KAZN: variants seen among roughly 807,000 people sequenced by gnomAD.
KAZN encodes kazrin, periplakin interacting protein.
KAZN carries 40 observed loss-of-function variants against 87.4 expected under a neutral mutation model. The ratio of observed to expected loss-of-function variants is 0.46; its 90% CI spans 0.36 to 0.60. KAZN has a LOEUF of 0.60. KAZN is among the 20% of genes least tolerant of loss of function. The pLI, the probability that KAZN is intolerant of heterozygous loss-of-function variation, is 0.00. For synonymous variants in KAZN, 466 were observed against 458.3 expected (o/e 1.02, Z -0.22); for missense variants, 898 against 1,073.9 (o/e 0.84, Z 2.29).
Position 14,528,519 on chromosome 1 carries a change from C to T in KAZN, c.250-70464C>T, listed in dbSNP as rs114027431. 1.6e-3 allele frequency among the ~76,000 whole-genome samples: 240 copies of T among 151,968 alleles called. 4 individuals are homozygous for T. Among genetic ancestry groups the T allele is most frequent in the Admixed American group, 6.8e-3 (103 of 15,256 alleles). ...ACAGCCCCCGACCAGTACAGTGGCT[C>T]ACGCCTGTAACCCCAGCACTTTGGG... On this transcript the variant is annotated intron_variant, in intron 2 of 16. Coordinates refer to the KAZN transcript ENST00000636203.
intron 2 of KAZN, among the ~76,000 whole-genome samples, chr1:14,584,047 G>A (rs111992560): frequency 4.6e-5 from 7 of 152,290 alleles, no homozygotes; most frequent in South Asian, 2.1e-4. Context: ...GATGTGTTGC[G>A]TGTGGACATG....
chr1:14,139,267 C>G (rs1645180293), intron 1 of KAZN, among the ~76,000 whole-genome samples: 1 of 152,200 alleles, frequency 6.6e-6, no homozygotes, highest in Non-Finnish European at 1.5e-5. Context: ...AGAAGGTAAG[C>G]TGATGTGGTA....
chr1:14,726,577 A>G (rs1412260084), intron 1 of KAZN, among the ~76,000 whole-genome samples: 2 of 152,198 alleles, frequency 1.3e-5, no homozygotes, highest in Admixed American at 1.3e-4. Flanking sequence ...AAGACCTTTC[A>G]AAGCTGCAAG....
At chr1:14,546,343 T>G (rs1452735484) in intron 2 of KAZN, among the ~76,000 whole-genome samples, 2 of 152,144 alleles carry the variant, frequency 1.3e-5, no homozygotes, top group African/African-American at 4.8e-5. Flanking sequence ...ATTTCTCTCT[T>G]TTTCTTCCAA....
At chr1:14,778,102 C>T (rs923739569) in intron 1 of KAZN, among the ~76,000 whole-genome samples, 2 of 152,138 alleles carry the variant, frequency 1.3e-5, no homozygotes, top group African/African-American at 4.8e-5. Context: ...GTGCCTTAAC[C>T]TCCTGGGAAT....
At chr1:14,329,212 A>G (rs896390051) in intron 2 of KAZN, among the ~76,000 whole-genome samples, 3 of 152,098 alleles carry the variant, frequency 2.0e-5, no homozygotes, top group Admixed American at 1.3e-4. Context: ...GCCACTAACA[A>G]CACTGAGCTT....
At chr1:14,743,220 T>C (rs963407179) in intron 1 of KAZN, among the ~76,000 whole-genome samples, 3 of 151,834 alleles carry the variant, frequency 2.0e-5, no homozygotes, top group African/African-American at 7.3e-5. Context: ...TCACTTGAGG[T>C]CAGGAGTTCG....
intron 3 of KAZN, among the ~76,000 whole-genome samples, chr1:15,037,738 C>G (rs370210057): frequency 6.6e-6 from 1 of 152,202 alleles, no homozygotes; most frequent in East Asian, 1.9e-4. Flanking sequence ...GAGAAGGAAA[C>G]GAAGGCCCCG....
At chr1:13,969,385 A>T (rs1642058434) in intron 1 of KAZN, among the ~76,000 whole-genome samples, 1 of 152,214 alleles carries the variant, frequency 6.6e-6, no homozygotes, top group Non-Finnish European at 1.5e-5. Context: ...AGACATGCAC[A>T]TGCTGACAGG....
intron 2 of KAZN, among the ~76,000 whole-genome samples, chr1:14,447,062 CT>C: frequency 6.6e-6 from 1 of 152,074 alleles, no homozygotes; most frequent in Non-Finnish European, 1.5e-5. Flanking sequence ...CTCTCATCTT[CT>C]TTCCTCCCAA....
intron 1 of KAZN, among the ~76,000 whole-genome samples, chr1:14,617,967 G>A (rs765393429): frequency 6.6e-5 from 10 of 152,156 alleles, no homozygotes; most frequent in Admixed American, 1.3e-4. Flanking sequence ...TCTTATCTCC[G>A]ACAGCTCATG....
chr1:14,203,766 G>A (rs1028331596), intron 2 of KAZN, among the ~76,000 whole-genome samples: 6 of 152,316 alleles, frequency 3.9e-5, no homozygotes, highest in South Asian at 2.1e-4. Flanking sequence ...GCTCAAAGTG[G>A]TATGAATTCC....
intron 1 of KAZN, among the ~76,000 whole-genome samples, chr1:13,990,534 A>T (rs2101108348): frequency 6.6e-6 from 1 of 152,318 alleles, no homozygotes; most frequent in South Asian, 2.1e-4. Flanking sequence ...GTAGGGGAAA[A>T]GATTGGCTGA....
At chr1:14,772,545 C>A (rs921541572) in intron 1 of KAZN, among the ~76,000 whole-genome samples, 1 of 151,828 alleles carries the variant, frequency 6.6e-6, no homozygotes, top group African/African-American at 2.4e-5. Context: ...AAAAAGAGAC[C>A]CCTCTTGGAT....
At chr1:13,920,595 C>T (rs1026705635) in intron 1 of KAZN, among the ~76,000 whole-genome samples, 3 of 151,732 alleles carry the variant, frequency 2.0e-5, no homozygotes, top group Admixed American at 6.6e-5. Context: ...GGGCTTCTGG[C>T]TGGTTTTGGT....
intron 2 of KAZN, among the ~76,000 whole-genome samples, chr1:14,497,822 GA>G (rs373301711): frequency 0.033 from 4,748 of 143,176 alleles, 263 homozygotes; most frequent in African/African-American, 0.11. Context: ...ATTTGAGATG[GA>G]AAAAAAAAAA....
At chr1:14,496,184 C>T (rs1669931913) in intron 2 of KAZN, among the ~76,000 whole-genome samples, 1 of 152,140 alleles carries the variant, frequency 6.6e-6, no homozygotes, top group Non-Finnish European at 1.5e-5. Flanking sequence ...GTTTTCAGTT[C>T]ACACACACAA....
intron 2 of KAZN, among the ~76,000 whole-genome samples, chr1:14,580,334 G>A (rs1340928397): frequency 6.6e-6 from 1 of 152,146 alleles, no homozygotes; most frequent in Non-Finnish European, 1.5e-5. Context: ...AATTAGCCGA[G>A]CGTGGTGTCG....
intron 2 of KAZN, among the ~76,000 whole-genome samples, chr1:14,489,840 A>T (rs2148406283): frequency 6.6e-6 from 1 of 152,088 alleles, no homozygotes; most frequent in African/African-American, 2.4e-5. Context: ...TAATTTAAAT[A>T]TTATTCAAAA....
Sources: allele counts gnomAD v4.1 joint callset (sites outside exome capture counted in the v4.1 genomes callset), GRCh38; gene constraint gnomAD v4.1.1; transcripts MANE v1.5; gene names NCBI Gene and HGNC (gene_info 2026-07-23, HGNC 2026-07-21).